Variants in MARCHF8 observed in about 807,000 individuals in gnomAD.
MARCHF8 encodes E3 ubiquitin-protein ligase MARCHF8.
Under a neutral mutation model 51.6 loss-of-function variants are expected in MARCHF8, and 40 were observed. The observed-to-expected ratio is 0.77, with a 90% confidence interval of 0.60 to 1.01. The LOEUF (loss-of-function observed/expected upper bound fraction) is 1.01, where lower values mean the gene tolerates loss of function less well. Ranked by LOEUF, MARCHF8 falls within the 50% of genes least tolerant of loss-of-function variation. The probability of loss-of-function intolerance (pLI) is 0.00; values close to 1 mark genes in which losing one functional copy is unlikely to be tolerated. For missense variants in MARCHF8, 685 were observed against 708.6 expected (o/e 0.97, Z 0.38); for synonymous variants, 263 against 280.3 (o/e 0.94, Z 0.62).
At chr10:45,567,642 T>C (rs1174512228) in intron 1 of MARCHF8, among the ~76,000 whole-genome samples, 1 of 152,228 alleles carries the variant, frequency 6.6e-6, no homozygotes, top group East Asian at 1.9e-4. Flanking sequence ...CATTGGTCTA[T>C]GGATCTGTTT....
chr10:45,461,389 C>G lies in MARCHF8; in HGVS notation c.1111G>C (p.Asp371His). The G allele has an allele frequency of 6.3e-7, 1 of 1,588,752 alleles. No individual in the cohort carries two copies. The highest frequency in any genetic ancestry group is 8.6e-7 in the Non-Finnish European group (1 of 1,169,092). Residue 371 changes from aspartate to histidine, a missense_variant, in exon 6 of 8, where the codon GAT (aspartate) becomes CAT (histidine). By Grantham distance (81) the Asp-to-His change is moderately conservative. Coordinates refer to ENST00000453424, the MANE Select transcript of MARCHF8 (RefSeq NM_001282866.2). ...VCRICHCEGD[D>H]ESPLITPCHC... ...CAGGGGGTGATCAGGGGGCTCTCAT[C>G]ATCTCCTTCACAGTGGCAGATCCTA...
intron 1 of MARCHF8, among the ~76,000 whole-genome samples, chr10:45,561,626 C>T (rs553290342): frequency 6.7e-6 from 1 of 150,310 alleles, no homozygotes; most frequent in Admixed American, 6.6e-5. Context: ...TTAGGCCAGG[C>T]GTGGTGGCTC....
At chr10:45,557,182 C>T (rs567565285) in intron 1 of MARCHF8, among the ~76,000 whole-genome samples, 2 of 125,028 alleles carry the variant, frequency 1.6e-5, no homozygotes, top group South Asian at 2.6e-4. Flanking sequence ...GACTGGAGTG[C>T]AATGGAACAA....
chr10:45,552,078 G>C (rs2044202188), intron 1 of MARCHF8, among the ~76,000 whole-genome samples: 1 of 151,942 alleles, frequency 6.6e-6, no homozygotes, highest in South Asian at 2.1e-4. Context: ...ACAGAGCAGG[G>C]GTAAAAATAT....
intron 1 of MARCHF8, among the ~76,000 whole-genome samples, chr10:45,584,417 G>T (rs2044594966): frequency 6.6e-6 from 1 of 151,480 alleles, no homozygotes; most frequent in African/African-American, 2.4e-5. Flanking sequence ...GATAAATATG[G>T]ACCCACAGAT....
At position 45,528,015 on chromosome 10, in the gene MARCHF8, T is replaced by A. The variant is rs534232668; in HGVS notation, c.102+5095A>T. 4.6e-5 allele frequency among the ~76,000 whole-genome samples: 7 copies of A among 152,298 alleles called. No homozygotes were observed. In the South Asian group the frequency reaches 1.4e-3, roughly 32 times the overall value. ...AAAAACAAAAACCATATTATCTCGA[T>A]AGATACAGAAAAAGCATTTGATAAA... On this transcript the variant is annotated intron_variant, in intron 2 of 7. Transcript: ENST00000453424.
At chr10:45,493,149 G>A (rs10900221) in intron 2 of MARCHF8, among the ~76,000 whole-genome samples, 34,535 of 152,140 alleles carry the variant, frequency 0.23, 4,166 homozygotes, top group Admixed American at 0.3. Context: ...ATATCAAGGT[G>A]GAAGTGTGAC....
intron 3 of MARCHF8, among the ~76,000 whole-genome samples, chr10:45,482,387 G>A (rs1024178789): frequency 6.6e-6 from 1 of 152,168 alleles, no homozygotes; most frequent in Non-Finnish European, 1.5e-5. Flanking sequence ...CAAAGCTGCA[G>A]GGATCACACT....
At chr10:45,516,914 C>T (rs760092514) in intron 2 of MARCHF8, among the ~76,000 whole-genome samples, 18 of 152,348 alleles carry the variant, frequency 1.2e-4, no homozygotes, top group Non-Finnish European at 2.2e-4. Flanking sequence ...CCAGACAGCT[C>T]TCCAGTCACC....
At chr10:45,543,816 A>AT (rs1278149996) in intron 1 of MARCHF8, among the ~76,000 whole-genome samples, 6 of 151,336 alleles carry the variant, frequency 4.0e-5, no homozygotes, top group African/African-American at 1.5e-4. Flanking sequence ...AAAAAAAAAA[A>AT]AAAAGACTTG....
At position 45,533,218 on chromosome 10, in the gene MARCHF8, C is replaced by CTCTT. The variant is rs1188283524; in HGVS notation, c.-11_-8dup. 1 of 1,600,894 alleles carries CTCTT rather than the reference C, an allele frequency of 6.2e-7. No homozygotes were observed. The highest frequency in any genetic ancestry group is 1.1e-5 in the South Asian group (1 of 88,076). On this transcript the variant is annotated 5_prime_UTR_variant, in exon 2 of 8. Transcript: ENST00000453424. The stretch of plus-strand genomic sequence containing the variant: ...GATGCAGTGGCATGCTCATCCCAAC[C>CTCTT]TCTTATCTGGTCGTCTTCTTCACAG...
At chr10:45,506,441 T>C (rs1305074783) in intron 2 of MARCHF8, among the ~76,000 whole-genome samples, 1 of 152,210 alleles carries the variant, frequency 6.6e-6, no homozygotes, top group Non-Finnish European at 1.5e-5. Context: ...AAAGGTAAAT[T>C]TGTGTTCAAC....
chr10:45,498,849 C>G (rs1311174090), intron 2 of MARCHF8, among the ~76,000 whole-genome samples: 1 of 152,116 alleles, frequency 6.6e-6, no homozygotes, highest in Non-Finnish European at 1.5e-5. Context: ...ATTCATTCAC[C>G]CTTTGATGGA....
chr10:45,562,382 A>G (rs963492006), intron 1 of MARCHF8, among the ~76,000 whole-genome samples: 2 of 152,228 alleles, frequency 1.3e-5, no homozygotes, highest in Admixed American at 6.5e-5. Context: ...AAGCCAAAGA[A>G]AAGATTTTAA....
Position 45,533,124 on chromosome 10 carries a change from C to T in MARCHF8, c.88G>A (p.Glu30Lys). ...RVYRSKTKEK[E>K]REEQNEKTLG... ...TCTCCCAGTACCTGTTCTTCCCTCT[C>T]CTTTTCTTTGGTCTTACTTCTGTAG... The change falls in exon 2 of 8, where the codon GAG becomes AAG. Residue 30 changes from glutamate to lysine, a missense_variant. Physicochemically the swap from Glu to Lys is moderately conservative, Grantham distance 56. Coordinates refer to ENST00000453424, the MANE Select transcript of MARCHF8 (RefSeq NM_001282866.2). 6.2e-7 allele frequency: 1 copy of T among 1,607,598 alleles called. No individual in the cohort carries two copies. Among genetic ancestry groups the T allele is most frequent in the South Asian group, 1.1e-5 (1 of 89,544 alleles).
intron 1 of MARCHF8, among the ~76,000 whole-genome samples, chr10:45,540,541 T>G (rs1313515772): frequency 1.3e-5 from 2 of 152,164 alleles, no homozygotes; most frequent in Non-Finnish European, 2.9e-5. Context: ...CCAAAAGGAA[T>G]GGCAACAAAA....
chr10:45,506,625 C>A (rs975421229), intron 2 of MARCHF8, among the ~76,000 whole-genome samples: 3 of 152,188 alleles, frequency 2.0e-5, no homozygotes, highest in Admixed American at 1.3e-4. Context: ...CTAAGTAAGA[C>A]TGAATATTGA....
At chr10:45,509,690 T>C (rs1322933426) in intron 2 of MARCHF8, among the ~76,000 whole-genome samples, 1 of 152,202 alleles carries the variant, frequency 6.6e-6, no homozygotes, top group Non-Finnish European at 1.5e-5. Context: ...TTGGAAAAAC[T>C]GGCTTACAGA....
At chr10:45,550,898 A>T (rs1178717891) in intron 1 of MARCHF8, among the ~76,000 whole-genome samples, 1 of 152,236 alleles carries the variant, frequency 6.6e-6, no homozygotes, top group Non-Finnish European at 1.5e-5. Flanking sequence ...CAGTCCTTCA[A>T]TATAAGTGAT....
Sources: gnomAD v4.1 joint callset for allele counts (sites outside exome capture counted in the v4.1 genomes callset) on GRCh38, gnomAD v4.1.1 for gene constraint, MANE v1.5 for transcripts, NCBI Gene and HGNC (gene_info 2026-07-23, HGNC 2026-07-21) for gene names.